The following PAK1 variants were observed in gnomAD, a reference collection of about 807,000 sequenced individuals.
PAK1 encodes serine/threonine-protein kinase PAK 1.
Under a neutral mutation model 67.4 loss-of-function variants are expected in PAK1, and 29 were observed. The ratio of observed to expected loss-of-function variants is 0.43; its 90% CI spans 0.32 to 0.59. PAK1 has a LOEUF of 0.59. Among genes scored for constraint, PAK1 ranks in the 20% least tolerant of loss-of-function variants. PAK1 has a pLI of 0.07. For missense variants in PAK1, 337 were observed against 670.7 expected, an observed-to-expected ratio of 0.50 and a Z score of 5.50; for synonymous variants, 223 against 237.4, an observed-to-expected ratio of 0.94 and a Z score of 0.56.
chr11:77,325,578 A>G (rs946263347), intron 14 of PAK1, among the ~76,000 whole-genome samples: 6 of 152,248 alleles, frequency 3.9e-5, no homozygotes, highest in Admixed American at 1.3e-4. Context: ...ATAATTTGGT[A>G]TTTAATTAAG....
At chr11:77,333,370 G>A (rs1047063513) in intron 13 of PAK1, among the ~76,000 whole-genome samples, 5 of 151,868 alleles carry the variant, frequency 3.3e-5, no homozygotes, top group African/African-American at 7.3e-5. Context: ...ACTGCTTTTC[G>A]TATTTTCAGT....
intron 1 of PAK1, among the ~76,000 whole-genome samples, chr11:77,442,878 C>CT (rs1301635061): frequency 6.6e-6 from 1 of 152,188 alleles, no homozygotes; most frequent in Non-Finnish European, 1.5e-5. Flanking sequence ...ACAACAGTCT[C>CT]TGCTGCTTAT....
chr11:77,491,528 CA>C, the PAK1 span, among the ~76,000 whole-genome samples: 2 of 144,216 alleles, frequency 1.4e-5, no homozygotes. Context: ...GACTCTGCCT[CA>C]AAAAAAAATA....
the PAK1 span, among the ~76,000 whole-genome samples, chr11:77,513,241 A>G: frequency 3.3e-5 from 5 of 152,278 alleles, no homozygotes; most frequent in African/African-American, 1.2e-4. Context: ...TGGGTCTTTA[A>G]TGAGTTAATC....
the PAK1 span, among the ~76,000 whole-genome samples, chr11:77,498,105 G>A: frequency 6.6e-6 from 1 of 152,142 alleles, no homozygotes; most frequent in African/African-American, 2.4e-5. Context: ...ACAGAAAAAG[G>A]ACACTAGTGG....
upstream of PAK1, among the ~76,000 whole-genome samples, chr11:77,478,113 GTTAAC>G (rs200275147): frequency 0.013 from 2,050 of 152,298 alleles, 19 homozygotes; most frequent in Non-Finnish European, 0.017. Context: ...AAACATGCCA[GTTAAC>G]TTAATGTGCA....
intron 2 of PAK1, 118 bp from the exon 3 acceptor site, chr11:77,380,112 T>C (rs564523782): frequency 1.2e-5 from 8 of 669,164 alleles, no homozygotes; most frequent in Non-Finnish European, 1.5e-5. Flanking sequence ...CTATTAATAT[T>C]TCACATATGT....
intron 1 of PAK1, among the ~76,000 whole-genome samples, chr11:77,444,288 A>T (rs1045639850): frequency 4.8e-5 from 7 of 146,462 alleles, no homozygotes; most frequent in African/African-American, 1.7e-4. Context: ...GAGAGCTCTA[A>T]AAAAAAAAAA....
rs1958003666 is a variant in PAK1 at position 77,473,997 on chromosome 11, GA to G, written c.-468del. 1 of 151,236 alleles carries G rather than the reference GA, an allele frequency of 6.6e-6. No homozygotes were observed. Among genetic ancestry groups the G allele is most frequent in the Non-Finnish European group, 1.5e-5 (1 of 67,900 alleles). The allele number at this position is 151,236 out of a possible 1,614,324, so 9.4% of individuals were successfully genotyped here. ...AGCGAGGGGGCGGGAGCGTGTGGGG[GA>G]AGCCGTGAGGGGGCGTCTACTGTGC... On this transcript the variant is annotated 5_prime_UTR_variant, in exon 1 of 15. Coordinates refer to ENST00000356341, the MANE Select transcript of PAK1 (RefSeq NM_002576.5).
chr11:77,404,043 C>A (rs369685234), intron 1 of PAK1, among the ~76,000 whole-genome samples: 1 of 152,182 alleles, frequency 6.6e-6, no homozygotes, highest in Non-Finnish European at 1.5e-5. Flanking sequence ...CACGGAATAA[C>A]ACAGCAAGAA....
the PAK1 span, among the ~76,000 whole-genome samples, chr11:77,511,502 T>C: frequency 1.3e-5 from 2 of 152,318 alleles, no homozygotes; most frequent in African/African-American, 2.4e-5. Flanking sequence ...GCAGGCTATA[T>C]ATACAATGCC....
intron 1 of PAK1, among the ~76,000 whole-genome samples, chr11:77,407,020 C>T (rs957138526): frequency 7.2e-5 from 11 of 152,130 alleles, no homozygotes; most frequent in South Asian, 2.1e-4. Flanking sequence ...ATAGCTATTA[C>T]GTGCCTACTA....
chr11:77,526,682 C>T, the PAK1 span, among the ~76,000 whole-genome samples: 1 of 152,184 alleles, frequency 6.6e-6, no homozygotes, highest in African/African-American at 2.4e-5. Context: ...CTTTGGGAGG[C>T]TGAGGTGGGC....
intron 6 of PAK1, among the ~76,000 whole-genome samples, chr11:77,357,010 C>A (rs1437844042): frequency 6.6e-6 from 1 of 152,068 alleles, no homozygotes; most frequent in Non-Finnish European, 1.5e-5. Flanking sequence ...GTCATTCATC[C>A]GTGAGTTCCT....
chr11:77,342,442 T>C (rs1305368260), intron 10 of PAK1, among the ~76,000 whole-genome samples: 2 of 152,186 alleles, frequency 1.3e-5, no homozygotes, highest in Non-Finnish European at 2.9e-5. Context: ...ACTCACCATT[T>C]TGTGAGACAG....
intron 7 of PAK1, among the ~76,000 whole-genome samples, chr11:77,355,066 C>T (rs1268733715): frequency 1.3e-5 from 2 of 152,122 alleles, no homozygotes; most frequent in East Asian, 1.9e-4. Flanking sequence ...CACTTTTTAG[C>T]TGCGTGATTT....
chr11:77,343,990 G>A (rs1944025941), intron 9 of PAK1, 59 bp from the exon 10 acceptor site: 3 of 1,083,188 alleles, frequency 2.8e-6, no homozygotes, highest in South Asian at 1.2e-5. Flanking sequence ...TTGAGCACCT[G>A]CTAAGTACCA....
At position 77,473,639 on chromosome 11, in the gene PAK1, G is replaced by C. The variant is rs1464573753; in HGVS notation, c.-109C>G. ...GCCGGGAGTGAGGGCGCGAGTGTGC[G>C]CGAGCTACCGCTTCACTTTCTCCCT... On this transcript the variant is annotated 5_prime_UTR_variant, in exon 1 of 15. Coordinates refer to ENST00000356341, the MANE Select transcript of PAK1 (RefSeq NM_002576.5). 3 of 152,584 alleles carry C rather than the reference G, an allele frequency of 2.0e-5. No homozygotes were observed. Among genetic ancestry groups the C allele is most frequent in the Non-Finnish European group, 4.4e-5 (3 of 68,498 alleles). The allele number at this position is 152,584 out of a possible 1,614,324, so 9.5% of individuals were successfully genotyped here.
At chr11:77,408,012 G>A (rs1451592080) in intron 1 of PAK1, 1 of 152,194 alleles carries the variant, frequency 6.6e-6, no homozygotes, top group East Asian at 1.9e-4. Context: ...ACAAACTCAG[G>A]AGATAACAGG....
Sources: gnomAD v4.1 joint callset for allele counts (sites outside exome capture counted in the v4.1 genomes callset) on GRCh38, gnomAD v4.1.1 for gene constraint, MANE v1.5 for transcripts, NCBI Gene and HGNC (gene_info 2026-07-23, HGNC 2026-07-21) for gene names.